The following FANCA variants were observed in gnomAD, a reference collection of about 807,000 sequenced individuals.
FANCA encodes Fanconi anemia group A protein.
Under a neutral mutation model 194.3 loss-of-function variants are expected in FANCA, and 236 were observed. The ratio of observed to expected loss-of-function variants is 1.21; its 90% CI spans 1.09 to 1.35. The LOEUF (loss-of-function observed/expected upper bound fraction) is 1.35, where lower values mean the gene tolerates loss of function less well. FANCA is among the 40% of genes most tolerant of loss of function. FANCA has a pLI of 0.00. For synonymous variants in FANCA, 1,014 were observed against 715.8 expected (o/e 1.42, Z -6.65); for missense variants, 2,628 against 1,813.9 (o/e 1.45, Z -8.15).
chr16:89,808,245 T>C lies in FANCA; in HGVS notation c.596+49A>G, dbSNP rs199826943. ...CTGGGCTTTGAAATATAATTTATAC[T>C]AGACTAGACTGCAAAAACAGTAACA... is the stretch of plus-strand genomic sequence containing the variant. On this transcript the variant is annotated intron_variant, in intron 6 of 42. Coordinates refer to ENST00000389301, the MANE Select transcript of FANCA (RefSeq NM_000135.4). 31 of 1,552,242 alleles carry C rather than the reference T, an allele frequency of 2.0e-5. No homozygotes were observed. The highest frequency in any genetic ancestry group is 3.4e-4 in the Middle Eastern group (2 of 5,942).
intron 29 of FANCA, among the ~76,000 whole-genome samples, chr16:89,760,405 G>A (rs890380996): frequency 2.6e-5 from 4 of 152,190 alleles, no homozygotes; most frequent in Non-Finnish European, 4.4e-5. Context: ...AGGTGCAGGC[G>A]ACAGTGCTGC....
At chr16:89,800,068 G>C (rs952610906) in intron 8 of FANCA, among the ~76,000 whole-genome samples, 2 of 152,216 alleles carry the variant, frequency 1.3e-5, no homozygotes, top group African/African-American at 4.8e-5. Context: ...AATTACTCCA[G>C]TACCGAAGGG....
chr16:89,766,667 A>G (rs554367214), intron 27 of FANCA, among the ~76,000 whole-genome samples: 6 of 151,892 alleles, frequency 4.0e-5, no homozygotes, highest in Admixed American at 6.6e-5. Context: ...GTGGGCCGAG[A>G]TCGCACCACT....
At chr16:89,800,002 G>T (rs1340530088) in intron 8 of FANCA, among the ~76,000 whole-genome samples, 1 of 152,132 alleles carries the variant, frequency 6.6e-6, no homozygotes, top group African/African-American at 2.4e-5. Context: ...TCGGAAAAAA[G>T]AAAAAGAAAT....
In FANCA at chr16:89,811,680, G is replaced by T. The variant is rs1213260640; in HGVS notation, c.284-609C>A. Among the ~76,000 whole-genome samples the T allele has an allele frequency of 2.0e-5, 3 of 152,044 alleles. No homozygotes were observed. The East Asian group carries it at 5.8e-4, about 29-fold the overall frequency. On this transcript the variant is annotated intron_variant, in intron 3 of 42. Coordinates refer to ENST00000389301, the MANE Select transcript of FANCA (RefSeq NM_000135.4). The stretch of plus-strand genomic sequence containing the variant: ...GAAACGGTGGGCAACCTGGAAGCAG[G>T]CAATGCCAAGAAATCATTTTCTAAT...
At position 89,791,223 on chromosome 16, in the gene FANCA, G is replaced by C. The variant is rs139736580; in HGVS notation, c.1359+180C>G. The C allele has an allele frequency of 7.5e-6, 6 of 800,748 alleles. No individual in the cohort carries two copies. The Admixed American group carries it at 8.5e-5, about 11-fold the overall frequency. 49.6% of individuals were successfully genotyped at this position (800,748 alleles called of 1,614,324 possible). On this transcript the variant is annotated intron_variant, in intron 14 of 42. Transcript: ENST00000389301. ...GCAGAGGAAGATCCGCTGAGGCCCC[G>C]ACAGGGAGAACCCAGGCTCCTCGGC...
At chr16:89,767,674 G>A (rs923474793) in intron 26 of FANCA, among the ~76,000 whole-genome samples, 18 of 152,106 alleles carry the variant, frequency 1.2e-4, no homozygotes, top group East Asian at 1.9e-4. Context: ...TCAGTCTCCC[G>A]AGTAGCTGGG....
chr16:89,807,664 C>A (rs1302601986), intron 6 of FANCA, among the ~76,000 whole-genome samples: 1 of 150,882 alleles, frequency 6.6e-6, no homozygotes, highest in Non-Finnish European at 1.5e-5. Context: ...GCGGGCAGAT[C>A]CTGAAGTCAG....
intron 20 of FANCA, among the ~76,000 whole-genome samples, chr16:89,777,241 G>C (rs1341796571): frequency 3.3e-5 from 5 of 151,826 alleles, no homozygotes; most frequent in Non-Finnish European, 5.9e-5. Context: ...GGCTGGCTGG[G>C]TGTGGTGGAG....
Position 89,738,189 on chromosome 16 carries a change from G to T in FANCA, c.*412C>A. 6.2e-7 allele frequency: 1 copy of T among 1,611,438 alleles called. No homozygotes were observed. Among genetic ancestry groups the T allele is most frequent in the Non-Finnish European group, 8.5e-7 (1 of 1,179,280 alleles). On this transcript the variant is annotated 3_prime_UTR_variant, in exon 43 of 43. Transcript: ENST00000389301. ...CCCTGGAGGCGGAACCACCACCTGG[G>T]CCACCGAGCCCCTCTGTGACCACAG...
At chr16:89,804,402 C>T (rs954220313) in intron 7 of FANCA, among the ~76,000 whole-genome samples, 1 of 152,166 alleles carries the variant, frequency 6.6e-6, no homozygotes, top group African/African-American at 2.4e-5. Context: ...CTTCAATGCA[C>T]CTTAGAGACA....
chr16:89,742,295 A>G (rs1192576333), intron 37 of FANCA, among the ~76,000 whole-genome samples: 1 of 151,918 alleles, frequency 6.6e-6, no homozygotes, highest in Non-Finnish European at 1.5e-5. Context: ...CCCATCTCAG[A>G]AAAAATTACA....
At chr16:89,782,945 A>G (rs2039770696) in intron 16 of FANCA, 27 bp from the exon 17 acceptor site, 11 of 1,613,446 alleles carry the variant, frequency 6.8e-6, no homozygotes, top group Non-Finnish European at 8.5e-6. Flanking sequence ...GAATGAGAAC[A>G]AGAAAACAAA....
chr16:89,783,923 G>A (rs1250489007), intron 15 of FANCA, among the ~76,000 whole-genome samples: 1 of 151,940 alleles, frequency 6.6e-6, no homozygotes, highest in African/African-American at 2.4e-5. Context: ...TACCACGCCC[G>A]GCTAATTTTG....
intron 30 of FANCA, among the ~76,000 whole-genome samples, chr16:89,753,736 A>T (rs557142827): frequency 7.9e-5 from 12 of 152,172 alleles, no homozygotes; most frequent in Non-Finnish European, 1.6e-4. Context: ...CTCTACACTC[A>T]GAACAGTGTC....
chr16:89,804,702 G>A (rs1257052881), intron 7 of FANCA, among the ~76,000 whole-genome samples: 1 of 152,126 alleles, frequency 6.6e-6, no homozygotes, highest in East Asian at 1.9e-4. Flanking sequence ...CTTAGTTTGT[G>A]GGGGGACATT....
intron 14 of FANCA, among the ~76,000 whole-genome samples, chr16:89,789,440 T>G (rs1008012679): frequency 6.9e-6 from 1 of 144,450 alleles, no homozygotes; most frequent in Non-Finnish European, 1.5e-5. Flanking sequence ...TCAATACTTT[T>G]TTTTTTTTTT....
chr16:89,801,293 G>A (rs1192558894), intron 8 of FANCA, among the ~76,000 whole-genome samples: 3 of 138,730 alleles, frequency 2.2e-5, no homozygotes, highest in East Asian at 2.2e-4. Context: ...GCAGTGAGCC[G>A]AGATCGCGCC....
At chr16:89,799,372 T>C (rs1402250054) in intron 9 of FANCA, 140 bp from the exon 10 acceptor site, 1 of 1,038,514 alleles carries the variant, frequency 9.6e-7, no homozygotes, top group Non-Finnish European at 1.5e-6. Context: ...CTACAATCTG[T>C]AGGCCTTAAT....
Sources: gnomAD v4.1 joint callset for allele counts (sites outside exome capture counted in the v4.1 genomes callset) on GRCh38, gnomAD v4.1.1 for gene constraint, MANE v1.5 for transcripts, NCBI Gene and HGNC (gene_info 2026-07-23, HGNC 2026-07-21) for gene names.